RUNX3: variants seen among roughly 807,000 people sequenced by gnomAD.
The protein encoded by RUNX3 is RUNX family transcription factor 3, also known as runt-related transcription factor 3.
A neutral mutation model predicts 27.7 loss-of-function variants in RUNX3; 10 were observed. That is an observed-to-expected ratio of 0.36 (90% CI 0.22 to 0.61). The LOEUF (loss-of-function observed/expected upper bound fraction) is 0.61. Ranked by LOEUF, RUNX3 falls within the 20% of genes least tolerant of loss-of-function variation. RUNX3 has a pLI of 0.72. For synonymous variants in RUNX3, 270 were observed against 269.2 expected (o/e 1.00, Z -0.03); for missense variants, 469 against 629.5 (o/e 0.75, Z 2.73).
intron 3 of RUNX3, among the ~76,000 whole-genome samples, chr1:24,909,582 G>A (rs1177379868): frequency 1.3e-5 from 2 of 152,194 alleles, no homozygotes; most frequent in African/African-American, 4.8e-5. Context: ...CAAGCATGGC[G>A]AGAATGACGC....
At chr1:24,931,548 G>C (rs1049235055), upstream of RUNX3, among the ~76,000 whole-genome samples, 2 of 152,186 alleles carry the variant, frequency 1.3e-5, no homozygotes, top group African/African-American at 2.4e-5. Flanking sequence ...GAGCCTCCCC[G>C]CCGCTTTGGA....
chr1:24,919,373 G>T, intron 2 of RUNX3, 29 bp from the exon 3 acceptor site: 1 of 1,503,940 alleles, frequency 6.6e-7, no homozygotes, highest in South Asian at 1.1e-5. Flanking sequence ...AGAGGCAGGT[G>T]GTTGGCACCT....
intron 2 of RUNX3, among the ~76,000 whole-genome samples, chr1:24,946,067 A>G (rs764071749): frequency 3.3e-5 from 5 of 152,114 alleles, no homozygotes; most frequent in Non-Finnish European, 7.4e-5. Context: ...GAATGAATGA[A>G]TGAGTGAGTG....
At chr1:24,956,179 C>T (rs1230413256) in intron 2 of RUNX3, among the ~76,000 whole-genome samples, 1 of 152,214 alleles carries the variant, frequency 6.6e-6, no homozygotes, top group Non-Finnish European at 1.5e-5. Flanking sequence ...CAGGGCCTTG[C>T]CTGGGTGGGA....
chr1:24,929,215 C>T (rs1641161047), intron 1 of RUNX3: 1 of 512,638 alleles, frequency 2.0e-6, no homozygotes, highest in South Asian at 1.5e-5. Context: ...CGTTCGCACC[C>T]CACCCGCGGT....
chr1:24,940,854 T>A (rs1641459365), intron 2 of RUNX3, among the ~76,000 whole-genome samples: 1 of 152,188 alleles, frequency 6.6e-6, no homozygotes. Context: ...TAGTGCTTTG[T>A]TTTTTAAAGC....
intron 2 of RUNX3, chr1:24,961,761 C>T (rs907584464): frequency 6.6e-6 from 1 of 152,194 alleles, no homozygotes; most frequent in Admixed American, 6.5e-5. Context: ...GTTTAAAACT[C>T]TCTAGGGGCG....
chr1:24,931,829 C>A (rs1641236722), upstream of RUNX3, among the ~76,000 whole-genome samples: 1 of 152,160 alleles, frequency 6.6e-6, no homozygotes, highest in South Asian at 2.1e-4. Flanking sequence ...CAGGCCGTGT[C>A]GAAAGGAAGG....
intron 2 of RUNX3, among the ~76,000 whole-genome samples, chr1:24,936,929 C>T (rs1358434501): frequency 2.0e-5 from 3 of 152,250 alleles, no homozygotes; most frequent in Non-Finnish European, 4.4e-5. Flanking sequence ...CATGGCTTTC[C>T]AGCATCGCCC....
In RUNX3 at chr1:24,902,427, C is replaced by T. The variant is rs780505199; in HGVS notation, c.943G>A (p.Ala315Thr). The change falls in exon 5 of 5, where the codon GCC (alanine) becomes ACC (threonine). Residue 315 changes from alanine (A) to threonine (T), a missense_variant. Physicochemically the swap from Ala to Thr is moderately conservative, Grantham distance 58 (BLOSUM62 0). This residue lies in a region of RUNX3 where 279 missense variants were observed against 343.0 expected (regional missense o/e 0.81). Coordinates refer to ENST00000308873, the MANE Select transcript of RUNX3 (RefSeq NM_004350.3). This position sits in a 1 kb window ranked among gnomAD's most constrained non-coding sequence, Gnocchi z 9.2. The part of the protein sequence containing the change: ...HTYLPPPYPG[A>T]PQNQSGPFQA... ...AAGGGCCCGCTCTGGTTCTGCGGGG[C>T]CCCCGGGTAGGGTGGCGGGAGGTAG... 14 of 1,610,760 alleles carry T rather than the reference C, an allele frequency of 8.7e-6. No homozygotes were observed. The highest frequency in any genetic ancestry group is 1.1e-5 in the Non-Finnish European group (13 of 1,178,122).
At position 24,901,766 on chromosome 1, in the gene RUNX3, G is replaced by A. The variant is rs1411873324; in HGVS notation, c.*356C>T. 1.2e-5 allele frequency: 3 copies of A among 244,642 alleles called. No individual in the cohort carries two copies. Among genetic ancestry groups the A allele is most frequent in the African/African-American group, 2.2e-5 (1 of 44,748 alleles). 15.2% of individuals were successfully genotyped at this position (244,642 alleles called of 1,614,324 possible). ...TGCTGCCTCTCTCTGGAAGAGAGAT[G>A]GCCTCTGTCCCAGGAGACATGGGTC... is the stretch of plus-strand genomic sequence containing the variant. On this transcript the variant is annotated 3_prime_UTR_variant, in exon 5 of 5. Coordinates refer to ENST00000308873, the MANE Select transcript of RUNX3 (RefSeq NM_004350.3).
chr1:24,928,230 T>TAA (rs2124303363), intron 1 of RUNX3, among the ~76,000 whole-genome samples: 1 of 152,358 alleles, frequency 6.6e-6, no homozygotes, highest in South Asian at 2.1e-4. Flanking sequence ...AGGCCCAGTT[T>TAA]ATTGGCCTCT....
intron 2 of RUNX3, among the ~76,000 whole-genome samples, chr1:24,940,325 T>C (rs1370392966): frequency 1.3e-5 from 2 of 152,134 alleles, no homozygotes; most frequent in Non-Finnish European, 2.9e-5. Context: ...ATTGAACAAA[T>C]GAGAGAGCGA....
intron 2 of RUNX3, among the ~76,000 whole-genome samples, chr1:24,945,076 G>A (rs1641572773): frequency 6.6e-6 from 1 of 152,194 alleles, no homozygotes; most frequent in Admixed American, 6.5e-5. Context: ...GTCAGCTGCA[G>A]GAGGGCAGGG....
In RUNX3 at chr1:24,902,533, G is replaced by A; in HGVS notation, c.837C>T (p.Pro279=). 2 of 1,593,450 alleles carry A rather than the reference G, an allele frequency of 1.3e-6. No homozygotes were observed. The highest frequency in any genetic ancestry group is 1.1e-5 in the South Asian group (1 of 89,842). ...TCGTGCCCGAGGGCGTGGCGCTGTA[G>A]GGGAAGGCAGCTGACATGGCCCCGG... ...HYPGAMSAAF[P]YSATPSGTSI... Residue 279 remains proline, a synonymous_variant, in exon 5 of 5, where the codon CCC becomes CCT. Coordinates refer to ENST00000308873, the MANE Select transcript of RUNX3 (RefSeq NM_004350.3). This position sits in a 1 kb window ranked among gnomAD's most constrained non-coding sequence, Gnocchi z 9.2.
exon 2 of RUNX3, chr1:24,964,533 G>A: frequency 1.2e-6 from 2 of 1,611,988 alleles, no homozygotes; most frequent in Non-Finnish European, 1.7e-6. Context: ...AGGTCGGCGA[G>A]TAGGTCGGGA....
In RUNX3 at chr1:24,962,944, G is replaced by T. The variant is rs1642157272; in HGVS notation, c.58+1570C>A. 1 of 152,318 alleles carries T rather than the reference G, an allele frequency of 6.6e-6. No individual in the cohort carries two copies. The highest frequency in any genetic ancestry group is 1.9e-4 in the East Asian group (1 of 5,184). 9.4% of individuals were successfully genotyped at this position (152,318 alleles called of 1,614,324 possible). On this transcript the variant is annotated intron_variant, in intron 2 of 6. Coordinates refer to the RUNX3 transcript ENST00000338888. This position sits in a 1 kb window ranked among gnomAD's most constrained non-coding sequence, Gnocchi z 4.5. ...ACAGATTACAAAGACCCGGCAAATGGATTTTATAAACTCTTATTTTCTTGC... is the reference window on the plus strand; with the variant it reads ...ACAGATTACAAAGACCCGGCAAATGTATTTTATAAACTCTTATTTTCTTGC...
At chr1:24,950,241 G>A (rs1329652714) in intron 2 of RUNX3, among the ~76,000 whole-genome samples, 2 of 152,184 alleles carry the variant, frequency 1.3e-5, no homozygotes, top group Non-Finnish European at 2.9e-5. Context: ...AATGTCACAC[G>A]TACTTGGACC....
intron 1 of RUNX3, 22 bp downstream of exon 1, chr1:24,929,565 C>T (rs767912144): frequency 1.5e-5 from 24 of 1,590,464 alleles, no homozygotes; most frequent in East Asian, 4.5e-5. Context: ...CGGCGCCCTC[C>T]CGCCCCGGGT....
Sources: gnomAD v4.1 joint callset for allele counts (sites outside exome capture counted in the v4.1 genomes callset) on GRCh38, gnomAD v4.1.1 for gene constraint, gnomAD v4.1.1 regional missense constraint, Gnocchi (gnomAD v3.1) non-coding constraint, MANE v1.5 for transcripts, NCBI Gene and HGNC (gene_info 2026-07-23, HGNC 2026-07-21) for gene names.